The following ALG8 variants were observed in gnomAD, a reference collection of about 807,000 sequenced individuals.
The protein encoded by ALG8 is dolichyl pyrophosphate Glc1Man9GlcNAc2 alpha-1,3-glucosyltransferase.
Under a neutral mutation model 70.2 loss-of-function variants are expected in ALG8, and 48 were observed. The ratio of observed to expected loss-of-function variants is 0.68; its 90% CI spans 0.54 to 0.87. The LOEUF is 0.87. Ranked by LOEUF, ALG8 falls within the 40% of genes least tolerant of loss-of-function variation. The pLI is 0.00. For synonymous variants in ALG8, 234 were observed against 229.0 expected (o/e 1.02, Z -0.20); for missense variants, 572 against 608.7 (o/e 0.94, Z 0.64).
chr11:78,109,062 C>T (rs995106375), intron 9 of ALG8, among the ~76,000 whole-genome samples: 2 of 152,176 alleles, frequency 1.3e-5, no homozygotes, highest in African/African-American at 4.8e-5. Context: ...TGTCCAGATA[C>T]ATTTGGAATT....
chr11:78,113,908 G>A lies in ALG8; in HGVS notation c.755C>T (p.Ser252Leu), dbSNP rs778228322. The A allele has an allele frequency of 6.5e-7, 1 of 1,548,782 alleles. No homozygotes were observed. The highest frequency in any genetic ancestry group is 1.8e-5 in the Admixed American group (1 of 54,824). Residue 252 changes from serine to leucine, a missense_variant, in exon 7 of 13, where the codon TCA (serine) becomes TTA (leucine). Ser to Leu is a moderately radical substitution (Grantham distance 145, BLOSUM62 -2). Transcript: ENST00000299626. ...GLVVFLVSAL[S>L]LGPFLALNQL... Reference sequence around the variant, plus strand: ...TACCAAGGCCAGGAAAGGACCCAATGAAAGAGCAGAAACTAAGAAAACAAC... The same window carrying A: ...TACCAAGGCCAGGAAAGGACCCAATAAAAGAGCAGAAACTAAGAAAACAAC...
Position 78,115,127 on chromosome 11 carries a change from G to A in ALG8, c.547-735C>T, listed in dbSNP as rs570770093. Among the ~76,000 whole-genome samples the A allele has an allele frequency of 2.0e-4, 30 of 152,220 alleles. No individual in the cohort carries two copies. In the East Asian group the frequency reaches 2.7e-3, roughly 14 times the overall value. ...GACTCACTGCAGCCTCCGCCTCCTC[G>A]GTTCAAGCAATTCTCCTGTCTCAGC... On this transcript the variant is annotated intron_variant, in intron 5 of 12. Coordinates refer to ENST00000299626, the MANE Select transcript of ALG8 (RefSeq NM_024079.5).
At chr11:78,121,457 G>A (rs1222110742) in intron 3 of ALG8, among the ~76,000 whole-genome samples, 2 of 150,958 alleles carry the variant, frequency 1.3e-5, no homozygotes, top group African/African-American at 4.9e-5. Context: ...GCCGAGCAGG[G>A]TGGCAGGTGC....
chr11:78,138,345 C>T (rs1861634946), intron 1 of ALG8, among the ~76,000 whole-genome samples: 1 of 121,048 alleles, frequency 8.3e-6, no homozygotes, highest in Admixed American at 8.0e-5. Flanking sequence ...TGGGACGAGA[C>T]TGTCTCAAAA....
Position 78,101,129 on chromosome 11 carries a change from G to C in ALG8, c.1416C>G (p.Val472=), listed in dbSNP as rs1326301333. The C allele has an allele frequency of 6.2e-7, 1 of 1,614,204 alleles. No homozygotes were observed. Among genetic ancestry groups the C allele is most frequent in the Non-Finnish European group, 8.5e-7 (1 of 1,180,034 alleles). The change falls in exon 13 of 13, where the codon GTC becomes GTG. Residue 472 remains valine (V), a synonymous_variant. Coordinates refer to ENST00000299626, the MANE Select transcript of ALG8 (RefSeq NM_024079.5). The stretch of plus-strand genomic sequence containing the variant: ...TGAAAGGGAATACAAATTCACAGCA[G>C]ACTTCCAGAGGCCCCAGGCCAAGCA... ...FYLLGLGPLE[V]CCEFVFPFTS... is the part of the protein sequence containing the mutation.
At chr11:78,129,279 G>T (rs1440703600) in intron 1 of ALG8, among the ~76,000 whole-genome samples, 1 of 151,920 alleles carries the variant, frequency 6.6e-6, no homozygotes, top group East Asian at 2.0e-4. Context: ...AATTAGCTGG[G>T]TGTGGTGGTG....
intron 3 of ALG8, among the ~76,000 whole-genome samples, chr11:78,122,460 G>C (rs1812166): frequency 6.6e-6 from 1 of 151,152 alleles, no homozygotes; most frequent in Non-Finnish European, 1.5e-5. Context: ...CTCTGCCTCA[G>C]GCTCCCAAGT....
At chr11:78,106,249 A>G (rs1860024800) in intron 10 of ALG8, among the ~76,000 whole-genome samples, 1 of 151,748 alleles carries the variant, frequency 6.6e-6, no homozygotes, top group Non-Finnish European at 1.5e-5. Context: ...CCAGAATGGA[A>G]TGCAGTGGTG....
At chr11:78,116,766 G>C (rs1260969819) in intron 5 of ALG8, among the ~76,000 whole-genome samples, 1 of 152,132 alleles carries the variant, frequency 6.6e-6, no homozygotes, top group Non-Finnish European at 1.5e-5. Context: ...AGGAATTTCG[G>C]AAGGATTAAA....
At chr11:78,128,612 CTTTT>C in intron 1 of ALG8, among the ~76,000 whole-genome samples, 1 of 137,894 alleles carries the variant, frequency 7.3e-6, no homozygotes. Context: ...TCCCAAATTA[CTTTT>C]TTTTTTTTTT....
rs147941226 is a variant in ALG8, at chr11:78,120,647, C to G, written c.478+418G>C. Among the ~76,000 whole-genome samples the G allele has an allele frequency of 6.3e-3, 960 of 152,296 alleles. 9 individuals carry two copies. The highest frequency in any genetic ancestry group is 0.01 in the Middle Eastern group (3 of 294). On this transcript the variant is annotated intron_variant, in intron 4 of 12. Transcript: ENST00000299626. ...CATCCAGAAGCCTTGAATTTAAAAA[C>G]TTTGCCTTTTAATATGTGGTAAGCC...
At position 78,104,440 on chromosome 11, in the gene ALG8, C is replaced by T. The variant is rs766260629; in HGVS notation, c.1192G>A (p.Gly398Arg). 1.0e-5 allele frequency: 16 copies of T among 1,588,226 alleles called. No individual in the cohort carries two copies. The highest frequency in any genetic ancestry group is 1.4e-5 in the Non-Finnish European group (16 of 1,166,812). ...AILPMSLLSV[G>R]KAGDASIFLI... Reference sequence around the variant, plus strand: ...AAAATCGAAGCGTCTCCTGCTTTTCCCACAGACAAAAGGCTAAAAATAAAA... The same window carrying T: ...AAAATCGAAGCGTCTCCTGCTTTTCTCACAGACAAAAGGCTAAAAATAAAA... Residue 398 changes from glycine to arginine, a missense_variant, in exon 11 of 13, where the codon GGA becomes AGA. Transcript: ENST00000299626.
intron 1 of ALG8, among the ~76,000 whole-genome samples, chr11:78,136,680 G>A (rs996865487): frequency 2.6e-5 from 4 of 152,162 alleles, no homozygotes; most frequent in South Asian, 4.1e-4. Flanking sequence ...TAAGTCTTAA[G>A]GGCCATTGGA....
intron 7 of ALG8, among the ~76,000 whole-genome samples, chr11:78,113,280 CAAGT>C (rs1236438448): frequency 6.6e-6 from 1 of 152,088 alleles, no homozygotes; most frequent in Admixed American, 6.6e-5. Context: ...TACATTTTAT[CAAGT>C]AAGTAAACTT....
intron 1 of ALG8, among the ~76,000 whole-genome samples, chr11:78,135,673 C>T (rs1022259276): frequency 2.0e-5 from 3 of 151,946 alleles, no homozygotes; most frequent in African/African-American, 7.3e-5. Context: ...TGTGGCAAAA[C>T]CCCATCTCTA....
intron 1 of ALG8, among the ~76,000 whole-genome samples, chr11:78,135,895 G>A (rs1398285303): frequency 6.6e-6 from 1 of 151,006 alleles, no homozygotes; most frequent in African/African-American, 2.4e-5. Flanking sequence ...ATGGGTGGGT[G>A]CAGTGGCTCA....
chr11:78,110,594 G>A (rs1446020112), intron 8 of ALG8, among the ~76,000 whole-genome samples: 2 of 152,174 alleles, frequency 1.3e-5, no homozygotes, highest in African/African-American at 4.8e-5. Flanking sequence ...ATGATGATGA[G>A]TTCATTTCTA....
intron 2 of ALG8, among the ~76,000 whole-genome samples, chr11:78,124,986 T>C (rs1861000430): frequency 6.6e-6 from 1 of 152,006 alleles, no homozygotes; most frequent in African/African-American, 2.4e-5. Context: ...TATGAAAATA[T>C]ACAAGCTTTA....
intron 5 of ALG8, among the ~76,000 whole-genome samples, chr11:78,118,643 G>A (rs112856949): frequency 1.3e-4 from 18 of 135,634 alleles, no homozygotes; most frequent in African/African-American, 4.4e-4. Flanking sequence ...AAAAACAAAA[G>A]CAAAGAAAAT....
Sources: gnomAD v4.1 joint callset for allele counts (sites outside exome capture counted in the v4.1 genomes callset) on GRCh38, gnomAD v4.1.1 for gene constraint, MANE v1.5 for transcripts, NCBI Gene and HGNC (gene_info 2026-07-23, HGNC 2026-07-21) for gene names.